The following HROB variants were observed in gnomAD, a reference collection of about 807,000 sequenced individuals.
The protein encoded by HROB is homologous recombination factor with OB-fold, also known as homologous recombination OB-fold protein.
Under a neutral mutation model 61.0 loss-of-function variants are expected in HROB, and 44 were observed. The observed-to-expected ratio is 0.72, with a 90% CI of 0.57 to 0.93. The LOEUF (loss-of-function observed/expected upper bound fraction) is 0.93. HROB is among the 40% of genes least tolerant of loss of function. The pLI is 0.00. For synonymous variants in HROB, 301 were observed against 310.4 expected (o/e 0.97, Z 0.32); for missense variants, 716 against 796.2 (o/e 0.90, Z 1.21).
At chr17:44,153,728 G>C (rs2144021450) in intron 5 of HROB, among the ~76,000 whole-genome samples, 1 of 152,028 alleles carries the variant, frequency 6.6e-6, no homozygotes, top group Admixed American at 6.6e-5. Context: ...TGGGCAATAA[G>C]AGTGAAACTC....
intron 5 of HROB, among the ~76,000 whole-genome samples, chr17:44,154,170 T>C (rs376560376): frequency 2.0e-5 from 3 of 152,060 alleles, no homozygotes; most frequent in African/African-American, 7.2e-5. Flanking sequence ...GGTGAAACCC[T>C]GTCTCTACTA....
intron 1 of HROB, among the ~76,000 whole-genome samples, chr17:44,144,227 G>A (rs192253630): frequency 0.017 from 2,608 of 151,710 alleles, 37 homozygotes; most frequent in Non-Finnish European, 0.023. Flanking sequence ...TGCAACCTCT[G>A]CCTCCCAGTT....
At chr17:44,142,407 G>A (rs191981086) in intron 1 of HROB, among the ~76,000 whole-genome samples, 1 of 150,872 alleles carries the variant, frequency 6.6e-6, no homozygotes, top group African/African-American at 2.4e-5. Context: ...TTTCCAGTGC[G>A]CTCAGACGTC....
At chr17:44,142,552 C>T (rs1189679773) in intron 1 of HROB, among the ~76,000 whole-genome samples, 1 of 150,090 alleles carries the variant, frequency 6.7e-6, no homozygotes, top group African/African-American at 2.5e-5. Flanking sequence ...CTGCAACCGT[C>T]GTCTCCCGCC....
chr17:44,142,185 G>C (rs1178203251), intron 1 of HROB, 40 bp downstream of exon 1: 14 of 1,492,824 alleles, frequency 9.4e-6, no homozygotes, highest in Non-Finnish European at 1.2e-5. Context: ...GGGCCGCAGG[G>C]CCCCCTGGCC....
intron 8 of HROB, among the ~76,000 whole-genome samples, chr17:44,157,405 CTTTTTTTTTTT>C (rs71160088): frequency 1.8e-4 from 15 of 81,478 alleles, no homozygotes; most frequent in African/African-American, 6.1e-4. Context: ...CATCATGTTT[CTTTTTTTTTTT>C]TTTTTTTTTT....
At chr17:44,159,587 G>A (rs796658191) in intron 9 of HROB, among the ~76,000 whole-genome samples, 10 of 152,336 alleles carry the variant, frequency 6.6e-5, no homozygotes, top group South Asian at 6.2e-4. Context: ...GCCTGGATGC[G>A]CTGCTATTTA....
intron 8 of HROB, 149 bp downstream of exon 8, chr17:44,155,560 C>G: frequency 8.1e-7 from 1 of 1,238,746 alleles, no homozygotes; most frequent in Non-Finnish European, 1.1e-6. Context: ...ACAGGACCAT[C>G]TCCTATCCCT....
Position 44,148,691 on chromosome 17 carries a change from C to T in HROB, c.888C>T (p.Phe296=). 1 of 1,614,128 alleles carries T rather than the reference C, an allele frequency of 6.2e-7. No homozygotes were observed. The highest frequency in any genetic ancestry group is 8.5e-7 in the Non-Finnish European group (1 of 1,180,024). The change falls in exon 3 of 10, where the codon TTC becomes TTT. Residue 296 remains phenylalanine (F), a synonymous_variant. Coordinates refer to ENST00000585683, the MANE Select transcript of HROB (RefSeq NM_001171251.3). ...TTCAGAGCAGCCCTCAAAATCGTTTCCCTTGTCAGCCATTCCAGTCTCCAA... is the reference window on the plus strand; with the variant it reads ...TTCAGAGCAGCCCTCAAAATCGTTTTCCTTGTCAGCCATTCCAGTCTCCAA... ...GTIQSSPQNR[F]PCQPFQSPSS... is the part of the protein sequence containing the mutation.
chr17:44,149,067 G>T, intron 3 of HROB, 40 bp downstream of exon 3: 1 of 1,562,096 alleles, frequency 6.4e-7, no homozygotes, highest in Non-Finnish European at 8.8e-7. Flanking sequence ...GGGCAAGGGA[G>T]AGAAGCAGGG....
chr17:44,152,581 G>T, intron 4 of HROB, 56 bp from the exon 5 acceptor site: 1 of 1,577,532 alleles, frequency 6.3e-7, no homozygotes, highest in South Asian at 1.2e-5. Context: ...TCAATCAAGA[G>T]TCTGTAGCAA....
intron 7 of HROB, 92 bp from the exon 8 acceptor site, chr17:44,155,194 A>G (rs2053935462): frequency 6.4e-7 from 1 of 1,557,414 alleles, no homozygotes; most frequent in East Asian, 2.2e-5. Flanking sequence ...TAGGCAGAGG[A>G]CACCAAGTGA....
chr17:44,147,845 T>C lies in HROB; in HGVS notation c.55-13T>C, dbSNP rs2053657727. ...TCCAGATGCCAAGACCTACCATCTC[T>C]GCTTCCTTGTAGGATTTCTTGTCTG... On this transcript the variant is annotated splice_polypyrimidine_tract_variant and intron_variant, in intron 2 of 9. Coordinates refer to ENST00000585683, the MANE Select transcript of HROB (RefSeq NM_001171251.3). 12 of 1,604,354 alleles carry C rather than the reference T, an allele frequency of 7.5e-6. No individual in the cohort carries two copies. The highest frequency in any genetic ancestry group is 4.0e-5 in the African/African-American group (3 of 74,790).
chr17:44,161,770 C>T, intron 9 of HROB, 101 bp from the exon 10 acceptor site: 1 of 1,311,268 alleles, frequency 7.6e-7, no homozygotes, highest in Non-Finnish European at 1.1e-6. Flanking sequence ...CCCAGCTATA[C>T]AGCCAGGTCC....
At chr17:44,160,817 C>G (rs141032148) in intron 9 of HROB, among the ~76,000 whole-genome samples, 1 of 152,156 alleles carries the variant, frequency 6.6e-6, no homozygotes, top group Admixed American at 6.6e-5. Flanking sequence ...TGGAATCTTG[C>G]ATTGCCTGGA....
intron 9 of HROB, among the ~76,000 whole-genome samples, chr17:44,161,290 G>A (rs1471500206): frequency 6.6e-6 from 1 of 152,116 alleles, no homozygotes; most frequent in African/African-American, 2.4e-5. Flanking sequence ...GTTTATTGAG[G>A]CACAGAGCAA....
intron 8 of HROB, among the ~76,000 whole-genome samples, chr17:44,156,681 T>G: frequency 6.6e-6 from 1 of 151,644 alleles, no homozygotes; most frequent in East Asian, 1.9e-4. Context: ...TTTTTTTTTT[T>G]GAAATGGAGT....
rs752522189 is a variant in HROB, at chr17:44,148,233, C to T, written c.430C>T (p.Gln144Ter). 6.2e-7 allele frequency: 1 copy of T among 1,614,210 alleles called. No individual in the cohort carries two copies. Among genetic ancestry groups the T allele is most frequent in the Non-Finnish European group, 8.5e-7 (1 of 1,180,024 alleles). ...LHPLLTFESQ[Q>*]QQVGGFEGPE... ...CCCCCTACTCACCTTTGAGAGCCAACAGCAGCAAGTTGGTGGCTTTGAGGG... is the reference window on the plus strand; with the variant it reads ...CCCCCTACTCACCTTTGAGAGCCAATAGCAGCAAGTTGGTGGCTTTGAGGG... The change falls in exon 3 of 10, where the codon CAG becomes TAG. Residue 144 changes from glutamine to a stop codon, truncating the protein, a stop_gained. Coordinates refer to ENST00000585683, the MANE Select transcript of HROB (RefSeq NM_001171251.3). LOFTEE classifies it high-confidence loss of function.
intron 1 of HROB, among the ~76,000 whole-genome samples, chr17:44,143,888 G>T (rs1007443563): frequency 7.5e-6 from 1 of 132,924 alleles, no homozygotes; most frequent in Non-Finnish European, 1.8e-5. Flanking sequence ...GCTCCCCTAG[G>T]CAGCCTTCCC....
Sources: allele counts gnomAD v4.1 joint callset (sites outside exome capture counted in the v4.1 genomes callset), GRCh38; gene constraint gnomAD v4.1.1; transcripts MANE v1.5; gene names NCBI Gene and HGNC (gene_info 2026-07-23, HGNC 2026-07-21).